The following UBE4B variants were observed in gnomAD, a reference collection of about 807,000 sequenced individuals.
The protein encoded by UBE4B is ubiquitin conjugation factor E4 B.
UBE4B carries 27 observed loss-of-function variants against 148.1 expected under a neutral mutation model. The ratio of observed to expected loss-of-function variants is 0.18; its 90% CI spans 0.13 to 0.25. The LOEUF is 0.25. Ranked by LOEUF, UBE4B falls within the 10% of genes least tolerant of loss-of-function variation. The probability of loss-of-function intolerance (pLI) is 1.00; values close to 1 mark genes in which losing one functional copy is unlikely to be tolerated. For synonymous variants in UBE4B, 596 were observed against 619.3 expected, an observed-to-expected ratio of 0.96 and a Z score of 0.56; for missense variants, 1,170 against 1,662.4, an observed-to-expected ratio of 0.70 and a Z score of 5.15.
chr1:10,105,251 G>T (rs1335920514), intron 5 of UBE4B, among the ~76,000 whole-genome samples: 1 of 152,126 alleles, frequency 6.6e-6, no homozygotes, highest in African/African-American at 2.4e-5. Flanking sequence ...GTTTCAGTTA[G>T]TGCAGGGAGT....
intron 19 of UBE4B, 56 bp from the exon 20 acceptor site, chr1:10,149,128 T>C: frequency 1.6e-6 from 2 of 1,242,354 alleles, no homozygotes; most frequent in South Asian, 2.8e-5. Context: ...ATACTCCTTG[T>C]AGTTTGATGT....
intron 10 of UBE4B, among the ~76,000 whole-genome samples, chr1:10,125,948 T>A (rs1415439428): frequency 6.6e-6 from 1 of 152,218 alleles, no homozygotes; most frequent in Non-Finnish European, 1.5e-5. Flanking sequence ...GTAATAATGT[T>A]GATTGTTGGC....
At chr1:10,167,589 CTTTT>C (rs1166780306) in intron 23 of UBE4B, among the ~76,000 whole-genome samples, 1 of 120,054 alleles carries the variant, frequency 8.3e-6, no homozygotes, top group Non-Finnish European at 1.7e-5. Context: ...TTGATGGTGA[CTTTT>C]TTTTTTTTTT....
chr1:10,045,447 C>T (rs1332351938), intron 1 of UBE4B, among the ~76,000 whole-genome samples: 1 of 152,100 alleles, frequency 6.6e-6, no homozygotes, highest in Non-Finnish European at 1.5e-5. Flanking sequence ...CTGATGACAA[C>T]TCTGTCCTTG....
Position 10,126,874 on chromosome 1 carries a change from C to T in UBE4B, c.1635C>T (p.Leu545=), listed in dbSNP as rs778908699. Residue 545 remains leucine, a synonymous_variant, in exon 11 of 28, where the codon CTC becomes CTT. Coordinates refer to ENST00000343090, the MANE Select transcript of UBE4B (RefSeq NM_001105562.3). ...ACAGTGACTACTTTAAATACCCCCT[C>T]ATGGTAAAACTTTGTTCTTTTTCTT... ...SLDSDYFKYP[L]MALGELCETK... The T allele has an allele frequency of 1.2e-6, 2 of 1,613,146 alleles. No individual in the cohort carries two copies. The highest frequency in any genetic ancestry group is 1.7e-6 in the Non-Finnish European group (2 of 1,179,162).
At position 10,137,176 on chromosome 1, in the gene UBE4B, C is replaced by T. The variant is rs1645701246; in HGVS notation, c.2334C>T (p.Arg778=). ...TGCCTAGTTGCCGTCGCTATATCCG[C>T]AGACTCCGGGCTATCCGGGAGCTCA... ...SILPSCRRYI[R]RLRAIRELNR... is the part of the protein sequence containing the mutation. Residue 778 remains arginine (R), a synonymous_variant, in exon 17 of 28, where the codon CGC becomes CGT. Coordinates refer to ENST00000343090, the MANE Select transcript of UBE4B (RefSeq NM_001105562.3). The T allele has an allele frequency of 1.2e-6, 2 of 1,614,144 alleles. No homozygotes were observed. Among genetic ancestry groups the T allele is most frequent in the Non-Finnish European group, 1.7e-6 (2 of 1,180,024 alleles).
At chr1:10,136,975 A>T in intron 16 of UBE4B, 92 bp from the exon 17 acceptor site, 1 of 1,362,886 alleles carries the variant, frequency 7.3e-7, no homozygotes, top group Non-Finnish European at 1.0e-6. Flanking sequence ...CTTCATAAAA[A>T]TTCAAATGTA....
chr1:10,080,216 T>C (rs1200559868), intron 2 of UBE4B, among the ~76,000 whole-genome samples: 1 of 151,980 alleles, frequency 6.6e-6, no homozygotes, highest in Non-Finnish European at 1.5e-5. Context: ...GGTCAGGAGA[T>C]TGAGACCAGC....
intron 18 of UBE4B, 138 bp from the exon 19 acceptor site, chr1:10,146,825 T>A (rs1645880774): frequency 1.9e-6 from 2 of 1,055,084 alleles, no homozygotes; most frequent in Non-Finnish European, 2.7e-6. Context: ...ACCAGCATCT[T>A]ATAGCTAGTT....
chr1:10,175,330 G>GA (rs985929110), intron 25 of UBE4B, among the ~76,000 whole-genome samples: 3 of 151,696 alleles, frequency 2.0e-5, no homozygotes, highest in South Asian at 4.2e-4. Context: ...CATTAAAAAA[G>GA]AAAAAAAATT....
At chr1:10,121,082 CGGCCA>C (rs1645402188) in intron 9 of UBE4B, among the ~76,000 whole-genome samples, 1 of 152,054 alleles carries the variant, frequency 6.6e-6, no homozygotes, top group South Asian at 2.1e-4. Flanking sequence ...ACATATAATA[CGGCCA>C]GGCGTGGTGG....
chr1:10,126,602 A>G (rs1645502752), intron 10 of UBE4B, among the ~76,000 whole-genome samples, 192 bp from the exon 11 acceptor site: 1 of 152,142 alleles, frequency 6.6e-6, no homozygotes, highest in African/African-American at 2.4e-5. Flanking sequence ...ATTCAGCTGT[A>G]TTACTTTATG....
At chr1:10,146,116 C>T (rs1304067499) in intron 18 of UBE4B, among the ~76,000 whole-genome samples, 2 of 152,088 alleles carry the variant, frequency 1.3e-5, no homozygotes, top group African/African-American at 4.8e-5. Flanking sequence ...GGTCTGTGCA[C>T]CCCCCTAAGC....
intron 22 of UBE4B, among the ~76,000 whole-genome samples, chr1:10,159,897 T>C (rs72864119): frequency 0.012 from 1,791 of 152,308 alleles, 46 homozygotes; most frequent in African/African-American, 0.041. Flanking sequence ...ATGGTCAGAA[T>C]TGTGTTCCAG....
chr1:10,139,793 A>T (rs1645757029), intron 17 of UBE4B, among the ~76,000 whole-genome samples: 1 of 152,134 alleles, frequency 6.6e-6, no homozygotes, highest in South Asian at 2.1e-4. Flanking sequence ...CAATGGTGCA[A>T]TCTTGGCTCA....
At chr1:10,067,326 G>A (rs1177767305) in intron 1 of UBE4B, among the ~76,000 whole-genome samples, 1 of 152,080 alleles carries the variant, frequency 6.6e-6, no homozygotes, top group Non-Finnish European at 1.5e-5. Context: ...ATTAGTATGT[G>A]TGGCTTTGAG....
At chr1:10,080,939 G>A (rs1039167804) in intron 2 of UBE4B, among the ~76,000 whole-genome samples, 2 of 152,172 alleles carry the variant, frequency 1.3e-5, no homozygotes, top group Non-Finnish European at 2.9e-5. Context: ...GATGTTGATC[G>A]AAGGGTACAA....
intron 1 of UBE4B, among the ~76,000 whole-genome samples, chr1:10,055,767 A>G (rs1159073563): frequency 6.6e-6 from 1 of 152,138 alleles, no homozygotes; most frequent in Non-Finnish European, 1.5e-5. Context: ...TAAAAATACA[A>G]AAATTAGCTG....
chr1:10,125,287 G>C (rs917363799), intron 10 of UBE4B, among the ~76,000 whole-genome samples: 2 of 152,182 alleles, frequency 1.3e-5, no homozygotes, highest in African/African-American at 4.8e-5. Context: ...ACTAATTTTT[G>C]GTGATTCTGG....
Sources: allele counts gnomAD v4.1 joint callset (sites outside exome capture counted in the v4.1 genomes callset), GRCh38; gene constraint gnomAD v4.1.1; transcripts MANE v1.5; gene names NCBI Gene and HGNC (gene_info 2026-07-23, HGNC 2026-07-21).